Variants in PRUNE2 observed in about 807,000 individuals in gnomAD.
The protein encoded by PRUNE2 is prune homolog 2 with BCH domain, also known as protein prune homolog 2.
In PRUNE2, 164 loss-of-function variants were observed where a neutral mutation model predicts 252.0. The observed-to-expected ratio is 0.65, with a 90% CI of 0.57 to 0.74. The LOEUF (loss-of-function observed/expected upper bound fraction) is 0.74, where lower values mean the gene tolerates loss of function less well. PRUNE2 is among the 30% of genes least tolerant of loss of function. The probability of loss-of-function intolerance (pLI) is 0.00; values close to 1 mark genes in which losing one functional copy is unlikely to be tolerated. For missense variants in PRUNE2, 3,495 were observed against 3,711.0 expected (o/e 0.94, Z 1.51); for synonymous variants, 1,292 against 1,350.2 (o/e 0.96, Z 0.94).
At chr9:76,817,047 G>A (rs891813370) in intron 6 of PRUNE2, among the ~76,000 whole-genome samples, 2 of 152,176 alleles carry the variant, frequency 1.3e-5, no homozygotes, top group African/African-American at 4.8e-5. Context: ...AAATTAAAAT[G>A]ATTTTTTCAG....
Position 76,755,459 on chromosome 9 carries a change from T to C in PRUNE2, c.757-41738A>G, listed in dbSNP as rs117385398. Reference sequence around the variant, plus strand: ...GGGGATATAAAAAAAAATACTCAGCTTCCTGCCCTAAAGAATTTGTGGCTA... The same window carrying C: ...GGGGATATAAAAAAAAATACTCAGCCTCCTGCCCTAAAGAATTTGTGGCTA... On this transcript the variant is annotated intron_variant, in intron 6 of 18. Coordinates refer to ENST00000376718, the MANE Select transcript of PRUNE2 (RefSeq NM_015225.3). Among the ~76,000 whole-genome samples the C allele has an allele frequency of 6.2e-3, 941 of 152,268 alleles. 7 individuals carry two copies. Among genetic ancestry groups the C allele is most frequent in the East Asian group, 0.037 (190 of 5,180 alleles).
At chr9:76,622,583 C>T (rs1173221744) in intron 17 of PRUNE2, among the ~76,000 whole-genome samples, 1 of 151,996 alleles carries the variant, frequency 6.6e-6, no homozygotes, top group African/African-American at 2.4e-5. Context: ...TGAAAGAAAA[C>T]TGAAAAAATC....
chr9:76,856,742 C>A (rs545990726), intron 1 of PRUNE2, among the ~76,000 whole-genome samples: 1 of 151,818 alleles, frequency 6.6e-6, no homozygotes, highest in Non-Finnish European at 1.5e-5. Flanking sequence ...GTGTCATATG[C>A]CTCTCTTTTC....
chr9:76,741,419 A>G (rs1363729251), intron 6 of PRUNE2, among the ~76,000 whole-genome samples: 1 of 152,204 alleles, frequency 6.6e-6, no homozygotes, highest in African/African-American at 2.4e-5. Context: ...AATTTAATAT[A>G]CTGTGGAGTC....
At chr9:76,897,841 G>C (rs12553698) in intron 1 of PRUNE2, among the ~76,000 whole-genome samples, 16,614 of 152,238 alleles carry the variant, frequency 0.11, 1,107 homozygotes, top group South Asian at 0.23. Flanking sequence ...AGCTAAGACA[G>C]ATATTCCACA....
Position 76,708,263 on chromosome 9 carries a change from C to G in PRUNE2, c.4011G>C (p.Gly1337=). 1 of 1,613,772 alleles carries G rather than the reference C, an allele frequency of 6.2e-7. No individual in the cohort carries two copies. The highest frequency in any genetic ancestry group is 8.5e-7 in the Non-Finnish European group (1 of 1,179,862). ...CGATCACCTCCTCTTCATCAAGGTG[C>G]CCCCTGTCAGTGGCTCCCTGGGCTT... The part of the protein sequence containing the change: ...EKEAQGATDR[G]HLDEEEVIAS... The change falls in exon 8 of 19, where the codon GGG becomes GGC. Residue 1337 remains glycine, a synonymous_variant. Transcript: ENST00000376718.
intron 5 of PRUNE2, among the ~76,000 whole-genome samples, chr9:76,826,046 A>T (rs1014749526): frequency 2.6e-5 from 4 of 152,230 alleles, no homozygotes; most frequent in African/African-American, 4.8e-5. Context: ...GACATGAATT[A>T]ACCACACATC....
chr9:76,863,777 C>T (rs1028539402), intron 1 of PRUNE2, among the ~76,000 whole-genome samples: 88 of 152,186 alleles, frequency 5.8e-4, no homozygotes, highest in Admixed American at 5.8e-3. Flanking sequence ...GCATTTGCTC[C>T]TCTGCTTTGC....
At chr9:76,744,858 C>G (rs1375740310) in intron 6 of PRUNE2, among the ~76,000 whole-genome samples, 1 of 152,158 alleles carries the variant, frequency 6.6e-6, no homozygotes, top group African/African-American at 2.4e-5. Flanking sequence ...AGGTAGCAGA[C>G]CAAAGGATGC....
rs1416538210 is a variant in PRUNE2 at position 76,705,565 on chromosome 9, C to CA, written c.6708dup (p.Val2237CysfsTer11). 3.1e-6 allele frequency: 5 copies of CA among 1,613,894 alleles called. No individual in the cohort carries two copies. In the Admixed American group the frequency reaches 8.3e-5, roughly 27 times the overall value. ...TCTGGAGTTGGCTCTTGGTGAGTTA[C>CA]AAAAATGCTAGTTGCCACATTTTCA... is the stretch of plus-strand genomic sequence containing the variant. On this transcript the variant is annotated frameshift_variant, in exon 8 of 19. Transcript: ENST00000376718. LOFTEE classifies it high-confidence loss of function.
chr9:76,726,766 T>C (rs1407833151), intron 6 of PRUNE2, among the ~76,000 whole-genome samples: 1 of 152,232 alleles, frequency 6.6e-6, no homozygotes, highest in Non-Finnish European at 1.5e-5. Flanking sequence ...CTTGAAGTCT[T>C]CAGAAGCTCA....
At chr9:76,720,053 T>G (rs978254532) in intron 6 of PRUNE2, among the ~76,000 whole-genome samples, 4 of 152,326 alleles carry the variant, frequency 2.6e-5, no homozygotes, top group African/African-American at 9.6e-5. Flanking sequence ...ACAATCTAAA[T>G]GTCCAACACT....
At chr9:76,700,855 C>T (rs942123087) in intron 9 of PRUNE2, among the ~76,000 whole-genome samples, 1 of 152,132 alleles carries the variant, frequency 6.6e-6, no homozygotes, top group Non-Finnish European at 1.5e-5. Flanking sequence ...CGCAGGGTTG[C>T]CCTATGTAAA....
Position 76,707,699 on chromosome 9 carries a change from G to A in PRUNE2, c.4575C>T (p.Ala1525=), listed in dbSNP as rs766558013. 1.1e-5 allele frequency: 18 copies of A among 1,613,720 alleles called. 1 individual carries two copies. Among genetic ancestry groups the A allele is most frequent in the Middle Eastern group, 1.6e-4 (1 of 6,084 alleles). ...CTCTGTCAAAATTTCCAGACGAACCGGCTCCTGGAAGGCTATTTTCAGACC... is the reference window on the plus strand; with the variant it reads ...CTCTGTCAAAATTTCCAGACGAACCAGCTCCTGGAAGGCTATTTTCAGACC... ...VKGSENSLPG[A]GSSGNFDRDT... Residue 1525 remains alanine, a synonymous_variant, in exon 8 of 19, where the codon GCC becomes GCT. Coordinates refer to ENST00000376718, the MANE Select transcript of PRUNE2 (RefSeq NM_015225.3).
At chr9:76,882,997 C>A (rs2061880150) in intron 1 of PRUNE2, among the ~76,000 whole-genome samples, 1 of 152,054 alleles carries the variant, frequency 6.6e-6, no homozygotes, top group African/African-American at 2.4e-5. Context: ...CTCTTTCAGG[C>A]CTCAGTTTTC....
At position 76,767,194 on chromosome 9, in the gene PRUNE2, G is replaced by A. The variant is rs372300341; in HGVS notation, c.757-53473C>T. Among the ~76,000 whole-genome samples, 41 of 152,312 alleles carry A rather than the reference G, an allele frequency of 2.7e-4. 1 individual carries two copies. In the South Asian group the frequency reaches 8.3e-3, roughly 31 times the overall value. Reference sequence around the variant, plus strand: ...TGGCCAGGCACTGTGGGTCACGCCTGTAATCCCAGCACTTTGGGAGGCCGA... The same window carrying A: ...TGGCCAGGCACTGTGGGTCACGCCTATAATCCCAGCACTTTGGGAGGCCGA... On this transcript the variant is annotated intron_variant, in intron 6 of 18. Transcript: ENST00000376718.
At chr9:76,626,044 CTAAG>C (rs1166368219) in intron 16 of PRUNE2, among the ~76,000 whole-genome samples, 1 of 152,056 alleles carries the variant, frequency 6.6e-6, no homozygotes, top group Non-Finnish European at 1.5e-5. Context: ...ACAATGTATA[CTAAG>C]TAAGGTTCAT....
chr9:76,713,817 G>A, intron 6 of PRUNE2, 96 bp from the exon 7 acceptor site: 1 of 778,412 alleles, frequency 1.3e-6, no homozygotes, highest in African/African-American at 1.8e-5. Flanking sequence ...GTATTTAGGA[G>A]AGATATTTAT....
At chr9:76,645,022 T>C (rs1844217519) in intron 11 of PRUNE2, 113 bp from the exon 12 acceptor site, 3 of 934,874 alleles carry the variant, frequency 3.2e-6, no homozygotes, top group South Asian at 3.5e-5. Context: ...GCCTTTGTTT[T>C]GTTTCATCCT....
Sources: allele counts gnomAD v4.1 joint callset (sites outside exome capture counted in the v4.1 genomes callset), GRCh38; gene constraint gnomAD v4.1.1; transcripts MANE v1.5; gene names NCBI Gene and HGNC (gene_info 2026-07-23, HGNC 2026-07-21).